Variants in EBF1 observed in about 807,000 individuals in gnomAD.
EBF1 encodes the protein EBF transcription factor 1, also known as transcription factor COE1.
In EBF1, 10 loss-of-function variants were observed where a neutral mutation model predicts 68.4. The observed-to-expected ratio is 0.15, with a 90% confidence interval of 0.09 to 0.25. EBF1 has a LOEUF of 0.25. Ranked by LOEUF, EBF1 falls within the 10% of genes least tolerant of loss-of-function variation. The probability of loss-of-function intolerance (pLI) is 1.00; values close to 1 mark genes in which losing one functional copy is unlikely to be tolerated. For missense variants in EBF1, 509 were observed against 794.4 expected, an observed-to-expected ratio of 0.64 and a Z score of 4.32; for synonymous variants, 298 against 299.8, an observed-to-expected ratio of 0.99 and a Z score of 0.06.
intron 6 of EBF1, among the ~76,000 whole-genome samples, chr5:158,934,313 TACACATAC>T (rs1168096758): frequency 6.6e-6 from 1 of 152,198 alleles, no homozygotes; most frequent in Non-Finnish European, 1.5e-5. Flanking sequence ...TTCATACACA[TACACATAC>T]ACACATACAC....
At chr5:158,869,545 C>T (rs1796506465) in intron 6 of EBF1, among the ~76,000 whole-genome samples, 1 of 151,006 alleles carries the variant, frequency 6.6e-6, no homozygotes, top group South Asian at 2.1e-4. Flanking sequence ...GTAGTGTTCT[C>T]TTTTTTTTCC....
intron 5 of EBF1, among the ~76,000 whole-genome samples, chr5:159,079,813 C>A (rs1561966661): frequency 6.6e-6 from 1 of 151,992 alleles, no homozygotes; most frequent in Non-Finnish European, 1.5e-5. Flanking sequence ...TGGGGTTTCA[C>A]CATGTTGGCC....
intron 6 of EBF1, among the ~76,000 whole-genome samples, chr5:159,005,484 A>C (rs1037680136): frequency 6.6e-6 from 1 of 152,202 alleles, no homozygotes; most frequent in Non-Finnish European, 1.5e-5. Flanking sequence ...ATTGAAAATG[A>C]TATTTGTAAC....
intron 6 of EBF1, among the ~76,000 whole-genome samples, chr5:158,984,288 C>T (rs1351375268): frequency 1.3e-5 from 2 of 152,138 alleles, no homozygotes; most frequent in African/African-American, 4.8e-5. Context: ...ATGATTAGTT[C>T]ATGTTTCTAA....
In EBF1 at chr5:158,713,056, G is replaced by C. The variant is rs776689677; in HGVS notation, c.1283C>G (p.Ser428Trp). ...HNQLPALANT[S>W]VHAGMMGVNS... ...CACGCCCATCATCCCTGCGTGGACC[G>C]AGGTGTTAGCAAGGGCCGGGAGTTG... is the stretch of plus-strand genomic sequence containing the variant. Residue 428 changes from serine (S) to tryptophan (W), a missense_variant, in exon 13 of 16, where the codon TCG becomes TGG. Physicochemically the swap from Ser to Trp is radical, Grantham distance 177 (BLOSUM62 -3). Coordinates refer to ENST00000313708, the MANE Select transcript of EBF1 (RefSeq NM_024007.5). 1 of 1,600,052 alleles carries C rather than the reference G, an allele frequency of 6.2e-7. No individual in the cohort carries two copies. Among genetic ancestry groups the C allele is most frequent in the Non-Finnish European group, 8.5e-7 (1 of 1,172,186 alleles).
At chr5:158,864,266 C>T (rs939005225) in intron 6 of EBF1, among the ~76,000 whole-genome samples, 1 of 150,776 alleles carries the variant, frequency 6.6e-6, no homozygotes, top group South Asian at 2.1e-4. Context: ...TCAGGGGCCA[C>T]CTTAGATATG....
At chr5:158,734,117 T>C (rs557895763) in intron 10 of EBF1, among the ~76,000 whole-genome samples, 1 of 152,298 alleles carries the variant, frequency 6.6e-6, no homozygotes, top group African/African-American at 2.4e-5. Flanking sequence ...GTGTACAATA[T>C]AGTTACTTTT....
At chr5:158,758,044 C>T (rs1357361021) in intron 10 of EBF1, among the ~76,000 whole-genome samples, 5 of 152,284 alleles carry the variant, frequency 3.3e-5, no homozygotes, top group South Asian at 4.1e-4. Flanking sequence ...TCTTCATGTG[C>T]ACCTTTTATC....
chr5:158,973,279 C>T (rs973499771), intron 6 of EBF1, among the ~76,000 whole-genome samples: 13 of 151,818 alleles, frequency 8.6e-5, no homozygotes, highest in Non-Finnish European at 1.8e-4. Context: ...AGGATATTTC[C>T]ACCCTCTTGA....
chr5:158,941,297 T>C, intron 6 of EBF1: 1 of 454,974 alleles, frequency 2.2e-6, no homozygotes. Flanking sequence ...CACGTACAAA[T>C]ACAGCAAACC....
intron 8 of EBF1, among the ~76,000 whole-genome samples, chr5:158,803,326 C>T (rs1287588548): frequency 2.7e-5 from 4 of 149,812 alleles, no homozygotes; most frequent in African/African-American, 9.9e-5. Flanking sequence ...CTTCCTCCTG[C>T]TCGATCTGAA....
At chr5:158,722,949 G>C (rs1461890887) in intron 11 of EBF1, among the ~76,000 whole-genome samples, 8 of 152,138 alleles carry the variant, frequency 5.3e-5, no homozygotes, top group African/African-American at 1.9e-4. Context: ...TTGAACTAAT[G>C]AGTAATTATG....
At chr5:158,845,078 T>A (rs968337678) in intron 6 of EBF1, among the ~76,000 whole-genome samples, 13 of 152,296 alleles carry the variant, frequency 8.5e-5, no homozygotes, top group African/African-American at 3.1e-4. Context: ...TAAAAAATCA[T>A]CCCTGCATGC....
intron 6 of EBF1, among the ~76,000 whole-genome samples, chr5:158,868,774 T>C (rs31194): frequency 0.18 from 26,968 of 152,126 alleles, 2,438 homozygotes; most frequent in African/African-American, 0.2. Context: ...AAATGCTGCA[T>C]AGTGGTCAAG....
chr5:158,770,086 C>T (rs961958265), intron 10 of EBF1, among the ~76,000 whole-genome samples: 9 of 152,094 alleles, frequency 5.9e-5, no homozygotes, highest in South Asian at 4.1e-4. Context: ...TAGAATATTA[C>T]GCTATGCAAA....
intron 6 of EBF1, among the ~76,000 whole-genome samples, chr5:159,023,486 G>A (rs1430614527): frequency 6.6e-6 from 1 of 152,140 alleles, no homozygotes; most frequent in African/African-American, 2.4e-5. Context: ...CATACTGATA[G>A]ACTTGACCCC....
intron 6 of EBF1, among the ~76,000 whole-genome samples, chr5:158,860,768 G>T (rs545834452): frequency 3.9e-5 from 6 of 152,150 alleles, no homozygotes; most frequent in African/African-American, 1.4e-4. Flanking sequence ...AGCCCATGGC[G>T]CATCTTGCGT....
chr5:159,025,145 T>C (rs1048131419), intron 6 of EBF1, among the ~76,000 whole-genome samples: 1 of 152,252 alleles, frequency 6.6e-6, no homozygotes, highest in African/African-American at 2.4e-5. Context: ...GGTATCTATC[T>C]GACCTTCCTT....
intron 8 of EBF1, among the ~76,000 whole-genome samples, chr5:158,815,393 T>A (rs1266683818): frequency 1.3e-5 from 2 of 152,168 alleles, no homozygotes; most frequent in African/African-American, 4.8e-5. Context: ...AGTTTTCTCA[T>A]CTGTAAAATG....
Sources: allele counts gnomAD v4.1 joint callset (sites outside exome capture counted in the v4.1 genomes callset), GRCh38; gene constraint gnomAD v4.1.1; transcripts MANE v1.5; gene names NCBI Gene and HGNC (gene_info 2026-07-23, HGNC 2026-07-21).